SLC36A1: variants seen among roughly 807,000 people sequenced by gnomAD.
The protein encoded by SLC36A1 is solute carrier family 36 member 1.
Under a neutral mutation model 47.5 loss-of-function variants are expected in SLC36A1, and 30 were observed. That is an observed-to-expected ratio of 0.63 (90% CI 0.47 to 0.86). The LOEUF is 0.86. Among genes scored for constraint, SLC36A1 ranks in the 40% least tolerant of loss-of-function variants. The pLI is 0.00. For synonymous variants in SLC36A1, 255 were observed against 249.7 expected, an observed-to-expected ratio of 1.02 and a Z score of -0.20; for missense variants, 517 against 606.0, an observed-to-expected ratio of 0.85 and a Z score of 1.54.
chr5:151,361,191 G>C, the SLC36A1 span, among the ~76,000 whole-genome samples: 1 of 152,108 alleles, frequency 6.6e-6, no homozygotes, highest in African/African-American at 2.4e-5. Context: ...CCATAGCACT[G>C]ACAATACTTT....
chr5:151,404,363 T>G, the SLC36A1 span, among the ~76,000 whole-genome samples: 1 of 152,188 alleles, frequency 6.6e-6, no homozygotes, highest in Non-Finnish European at 1.5e-5. Flanking sequence ...TAATTTTTAA[T>G]CCAACTTCCC....
chr5:151,532,141 G>T, the SLC36A1 span, among the ~76,000 whole-genome samples: 1 of 152,332 alleles, frequency 6.6e-6, no homozygotes, highest in East Asian at 1.9e-4. Flanking sequence ...CTTGACTGGG[G>T]CAGGGAGACC....
the SLC36A1 span, chr5:151,521,942 C>T: frequency 6.2e-7 from 1 of 1,614,168 alleles, no homozygotes; most frequent in Non-Finnish European, 8.5e-7. Flanking sequence ...TGGATCTTAC[C>T]CACCATGCCA....
intron 2 of SLC36A1, among the ~76,000 whole-genome samples, chr5:151,461,637 C>G (rs1161338902): frequency 6.6e-6 from 1 of 152,148 alleles, no homozygotes; most frequent in Non-Finnish European, 1.5e-5. Flanking sequence ...TGGATATTTG[C>G]ACTTATAATG....
the SLC36A1 span, among the ~76,000 whole-genome samples, chr5:151,346,626 T>C: frequency 1.3e-5 from 2 of 152,166 alleles, no homozygotes; most frequent in Non-Finnish European, 2.9e-5. Context: ...ACACCTTTTG[T>C]TCCTAAGTAA....
chr5:151,437,698 A>G (rs1759852019), intron 1 of SLC36A1, among the ~76,000 whole-genome samples: 1 of 152,208 alleles, frequency 6.6e-6, no homozygotes, highest in African/African-American at 2.4e-5. Flanking sequence ...TAATAATGAT[A>G]TAAACATAAA....
At chr5:151,399,084 A>ATATATATATATATATTTT in the SLC36A1 span, among the ~76,000 whole-genome samples, 33 of 60,026 alleles carry the variant, frequency 5.5e-4, no homozygotes, top group Non-Finnish European at 7.6e-4. Flanking sequence ...ATATATATAT[A>ATATATATATATATATTTT]TTTTTTTTTT....
chr5:151,365,594 C>T, the SLC36A1 span, among the ~76,000 whole-genome samples: 6 of 152,298 alleles, frequency 3.9e-5, no homozygotes, highest in Middle Eastern at 3.4e-3. Context: ...GAAACTGAGG[C>T]TCAGAGAGGA....
chr5:151,485,918 C>G (rs1025842850), intron 10 of SLC36A1, among the ~76,000 whole-genome samples: 1 of 152,178 alleles, frequency 6.6e-6, no homozygotes, highest in Non-Finnish European at 1.5e-5. Context: ...CATTTTAATT[C>G]ATTTCAATGT....
At chr5:151,487,752 G>A (rs573836011) in intron 10 of SLC36A1, among the ~76,000 whole-genome samples, 12 of 152,190 alleles carry the variant, frequency 7.9e-5, no homozygotes, top group Admixed American at 2.0e-4. Context: ...CCTGGGGACC[G>A]GAGCCAGAAG....
chr5:151,360,048 A>G, the SLC36A1 span, among the ~76,000 whole-genome samples: 10 of 152,334 alleles, frequency 6.6e-5, no homozygotes, highest in African/African-American at 2.2e-4. Context: ...ATAAATACCT[A>G]TAAGTAGAAT....
At chr5:151,360,070 A>G in the SLC36A1 span, among the ~76,000 whole-genome samples, 1 of 152,128 alleles carries the variant, frequency 6.6e-6, no homozygotes, top group African/African-American at 2.4e-5. Flanking sequence ...GTTCCATTGT[A>G]TGTCAAATAC....
At chr5:151,530,680 G>A in the SLC36A1 span, among the ~76,000 whole-genome samples, 1,604 of 152,308 alleles carry the variant, frequency 0.011, 26 homozygotes, top group African/African-American at 0.037. Context: ...TATCTTTTAG[G>A]TGTGATAAGG....
At chr5:151,351,989 C>T in the SLC36A1 span, among the ~76,000 whole-genome samples, 4 of 152,206 alleles carry the variant, frequency 2.6e-5, no homozygotes, top group African/African-American at 9.6e-5. Context: ...TCACCTTGTT[C>T]ATGTCTCTCC....
At chr5:151,542,650 G>A in the SLC36A1 span, 13 of 1,614,180 alleles carry the variant, frequency 8.1e-6, no homozygotes, top group Middle Eastern at 1.6e-4. Flanking sequence ...ATCTCTCCCA[G>A]TGTCCTTGTC....
At chr5:151,381,321 A>G in the SLC36A1 span, 1 of 192,840 alleles carries the variant, frequency 5.2e-6, no homozygotes, top group Non-Finnish European at 1.1e-5. Flanking sequence ...AAGTACTGAA[A>G]CCGCCTTTGT....
chr5:151,444,408 AT>A (rs1727257812), upstream of SLC36A1, among the ~76,000 whole-genome samples: 2 of 152,088 alleles, frequency 1.3e-5, no homozygotes, highest in South Asian at 4.1e-4. Context: ...ATTATTGAGT[AT>A]TTTTTAATGC....
the SLC36A1 span, among the ~76,000 whole-genome samples, chr5:151,391,666 G>T: frequency 6.6e-5 from 10 of 152,138 alleles, no homozygotes; most frequent in Non-Finnish European, 1.2e-4. Flanking sequence ...TAATCATGTG[G>T]TTTTTGTCTT....
chr5:151,409,362 A>C, the SLC36A1 span, among the ~76,000 whole-genome samples: 1 of 152,090 alleles, frequency 6.6e-6, no homozygotes, highest in Non-Finnish European at 1.5e-5. Context: ...GGAGGCAAAG[A>C]CTATCTGAGG....
Sources: gnomAD v4.1 joint callset for allele counts (sites outside exome capture counted in the v4.1 genomes callset) on GRCh38, gnomAD v4.1.1 for gene constraint, MANE v1.5 for transcripts, NCBI Gene and HGNC (gene_info 2026-07-23, HGNC 2026-07-21) for gene names.